The following NOTCH2NLC variants were observed in gnomAD, a reference collection of about 807,000 sequenced individuals.
NOTCH2NLC encodes the protein notch 2 N-terminal like C.
A neutral mutation model predicts 17.7 loss-of-function variants in NOTCH2NLC; 4 were observed. The ratio of observed to expected loss-of-function variants is 0.23; its 90% CI spans 0.11 to 0.52. The LOEUF is 0.52. NOTCH2NLC is among the 20% of genes least tolerant of loss of function. The probability of loss-of-function intolerance (pLI) is 0.96; values close to 1 mark genes in which losing one functional copy is unlikely to be tolerated. For synonymous variants in NOTCH2NLC, 18 were observed against 86.0 expected (o/e 0.21, Z 4.38); for missense variants, 57 against 207.2 (o/e 0.28, Z 4.45).
intron 1 of NOTCH2NLC, among the ~76,000 whole-genome samples, chr1:149,398,681 T>C (rs1404058828): frequency 1.3e-5 from 2 of 151,286 alleles, no homozygotes; most frequent in Non-Finnish European, 3.0e-5. Flanking sequence ...TCCAGCCAGC[T>C]ACGTCGCTCC....
chr1:149,470,020 A>G lies in NOTCH2NLC; in HGVS notation c.*5867A>G, dbSNP rs1489257133. On this transcript the variant is annotated 3_prime_UTR_variant, in exon 5 of 5. Transcript: ENST00000650865. ...TTTGGAGGAGAACTGATTTGGCTTGAGTTTTCTCAGACATGGGAACTTTTG... is the reference window on the plus strand; with the variant it reads ...TTTGGAGGAGAACTGATTTGGCTTGGGTTTTCTCAGACATGGGAACTTTTG... Among the ~76,000 whole-genome samples the G allele has an allele frequency of 6.6e-6, 1 of 152,026 alleles. No individual in the cohort carries two copies. Among genetic ancestry groups the G allele is most frequent in the Non-Finnish European group, 1.5e-5 (1 of 67,916 alleles).
intron 1 of NOTCH2NLC, among the ~76,000 whole-genome samples, chr1:149,424,181 G>T (rs1233329418): frequency 1.3e-5 from 2 of 151,428 alleles, no homozygotes; most frequent in African/African-American, 2.4e-5. Context: ...TCTGTTGTTT[G>T]CAGTTTTGAT....
chr1:149,406,699 A>G (rs2084271321), intron 1 of NOTCH2NLC, among the ~76,000 whole-genome samples: 1 of 150,980 alleles, frequency 6.6e-6, no homozygotes, highest in Non-Finnish European at 1.5e-5. Flanking sequence ...AATGGGAATA[A>G]TAGTAATATC....
rs1442186246 is a variant in NOTCH2NLC, at chr1:149,420,020, C to T, written c.136-10922C>T. Among the ~76,000 whole-genome samples the T allele has an allele frequency of 1.4e-5, 2 of 145,258 alleles. 1 individual carries two copies. The highest frequency in any genetic ancestry group is 3.1e-5 in the Non-Finnish European group (2 of 65,352). The stretch of plus-strand genomic sequence containing the variant: ...TAGCTGGGACTACAGGCACCCGCCA[C>T]CATGCCCAGCTAATTTTTTTTTTGT... On this transcript the variant is annotated intron_variant, in intron 1 of 4. Coordinates refer to ENST00000650865, the MANE Select transcript of NOTCH2NLC (RefSeq NM_001364013.2).
At chr1:149,431,142 G>C in intron 2 of NOTCH2NLC, 127 bp downstream of exon 2, 1 of 125,460 alleles carries the variant, frequency 8.0e-6, no homozygotes, top group South Asian at 4.2e-5. Context: ...TACAGATTTT[G>C]GTTGGGGGTG....
chr1:149,424,784 A>G (rs1309729787), intron 1 of NOTCH2NLC, among the ~76,000 whole-genome samples: 1 of 151,278 alleles, frequency 6.6e-6, no homozygotes, highest in African/African-American at 2.4e-5. Flanking sequence ...TGAGGGCCCA[A>G]AAAACTTTCA....
In NOTCH2NLC at chr1:149,464,424, T is replaced by TA. The variant is rs2084672610; in HGVS notation, c.*273dup. The TA allele has an allele frequency of 6.4e-6, 1 of 156,594 alleles. No individual in the cohort carries two copies. The highest frequency in any genetic ancestry group is 1.8e-4 in the South Asian group (1 of 5,532). 9.7% of individuals were successfully genotyped at this position (156,594 alleles called of 1,614,324 possible). A position where few individuals can be genotyped will look rare whatever the true frequency, so the allele number is the denominator to read the frequency against. On this transcript the variant is annotated 3_prime_UTR_variant, in exon 5 of 5. Coordinates refer to ENST00000650865, the MANE Select transcript of NOTCH2NLC (RefSeq NM_001364013.2). ...TGAAACTGAGGAGGGGATCCTCTGT[T>TA]AATCAGTGAGCACTTTTTGATGAGC...
chr1:149,454,507 G>A (rs1304371962), intron 2 of NOTCH2NLC, among the ~76,000 whole-genome samples: 3 of 144,928 alleles, frequency 2.1e-5, no homozygotes, highest in African/African-American at 7.6e-5. Context: ...GTTCCTCAGT[G>A]CCTCAATGTG....
chr1:149,394,534 C>G (rs1399437916), intron 1 of NOTCH2NLC, among the ~76,000 whole-genome samples: 1 of 151,122 alleles, frequency 6.6e-6, no homozygotes, highest in Admixed American at 6.6e-5. Context: ...TCCACCTCTC[C>G]TTTTCCCTTT....
At chr1:149,444,860 T>C (rs2101498962) in intron 2 of NOTCH2NLC, among the ~76,000 whole-genome samples, 1 of 146,446 alleles carries the variant, frequency 6.8e-6, no homozygotes, top group African/African-American at 2.5e-5. Context: ...GTCCCAGTTC[T>C]GGACACCAAT....
chr1:149,427,079 A>G (rs2084417051), intron 1 of NOTCH2NLC, among the ~76,000 whole-genome samples: 2 of 151,356 alleles, frequency 1.3e-5, no homozygotes, highest in Non-Finnish European at 3.0e-5. Context: ...TAATTTGCTA[A>G]TACAATGTAG....
intron 1 of NOTCH2NLC, among the ~76,000 whole-genome samples, chr1:149,423,325 G>A (rs1255788800): frequency 1.3e-5 from 2 of 150,304 alleles, no homozygotes; most frequent in African/African-American, 2.4e-5. Context: ...TTATTTAAAT[G>A]TACCACTTGG....
At chr1:149,461,536 A>G (rs1223364137) in intron 3 of NOTCH2NLC, among the ~76,000 whole-genome samples, 1 of 150,890 alleles carries the variant, frequency 6.6e-6, no homozygotes, top group Non-Finnish European at 1.5e-5. Context: ...TGTGTCTCCC[A>G]TTTACCTTTC....
At chr1:149,419,470 A>G (rs2084366093) in intron 1 of NOTCH2NLC, among the ~76,000 whole-genome samples, 1 of 151,122 alleles carries the variant, frequency 6.6e-6, no homozygotes, top group Admixed American at 6.6e-5. Flanking sequence ...CAACTAGATG[A>G]GCAAATAGAA....
At chr1:149,416,030 C>G (rs2084333082) in intron 1 of NOTCH2NLC, among the ~76,000 whole-genome samples, 1 of 148,702 alleles carries the variant, frequency 6.7e-6, no homozygotes, top group Non-Finnish European at 1.5e-5. Context: ...GAGGAGTGAT[C>G]TTTTTTAATA....
intron 2 of NOTCH2NLC, among the ~76,000 whole-genome samples, chr1:149,436,003 C>A (rs1346994783): frequency 1.4e-5 from 2 of 143,790 alleles, no homozygotes; most frequent in Admixed American, 7.0e-5. Context: ...CAGTGATTCT[C>A]CAGTGCCTTT....
chr1:149,424,670 C>T, intron 1 of NOTCH2NLC, among the ~76,000 whole-genome samples: 1 of 150,930 alleles, frequency 6.6e-6, no homozygotes, highest in East Asian at 2.0e-4. Context: ...TTGCATTGCT[C>T]TAAAGGAATA....
rs1212601363 is a variant in NOTCH2NLC at position 149,449,367 on chromosome 1, G to A, written c.210-5951G>A. Among the ~76,000 whole-genome samples the A allele has an allele frequency of 6.5e-4, 96 of 148,706 alleles. 1 individual carries two copies. The highest frequency in any genetic ancestry group is 1.3e-3 in the Non-Finnish European group (89 of 66,752). The stretch of plus-strand genomic sequence containing the variant: ...TTCGGGTATATACCTGGGAAGGGAG[G>A]CAGAAAATTTTGGTCATTCTGATTA... On this transcript the variant is annotated intron_variant, in intron 2 of 4. Coordinates refer to ENST00000650865, the MANE Select transcript of NOTCH2NLC (RefSeq NM_001364013.2).
At chr1:149,413,204 G>C (rs2084309310) in intron 1 of NOTCH2NLC, among the ~76,000 whole-genome samples, 1 of 150,882 alleles carries the variant, frequency 6.6e-6, no homozygotes, top group African/African-American at 2.4e-5. Flanking sequence ...CACTGTGCCA[G>C]GCCAGATGTC....
Sources: gnomAD v4.1 joint callset for allele counts (sites outside exome capture counted in the v4.1 genomes callset) on GRCh38, gnomAD v4.1.1 for gene constraint, MANE v1.5 for transcripts, NCBI Gene and HGNC (gene_info 2026-07-23, HGNC 2026-07-21) for gene names.